Variants in FRAS1 observed in about 807,000 individuals in gnomAD.
The protein encoded by FRAS1 is extracellular matrix organizing protein FRAS1.
Under a neutral mutation model 435.2 loss-of-function variants are expected in FRAS1, and 290 were observed. That is an observed-to-expected ratio of 0.67 (90% CI 0.61 to 0.73). FRAS1 has a LOEUF of 0.73. FRAS1 is among the 30% of genes least tolerant of loss of function. FRAS1 has a pLI of 0.00. For synonymous variants in FRAS1, 1,800 were observed against 1,851.0 expected, an observed-to-expected ratio of 0.97 and a Z score of 0.71; for missense variants, 4,860 against 5,001.5, an observed-to-expected ratio of 0.97 and a Z score of 0.85.
chr4:78,393,670 CACTT>C (rs1171685718), intron 29 of FRAS1, among the ~76,000 whole-genome samples: 1 of 152,032 alleles, frequency 6.6e-6, no homozygotes, highest in Admixed American at 6.5e-5. Flanking sequence ...CATTGATTGA[CACTT>C]AGGTTGATTC....
At chr4:78,396,528 C>T (rs1732670674) in intron 29 of FRAS1, among the ~76,000 whole-genome samples, 1 of 152,098 alleles carries the variant, frequency 6.6e-6, no homozygotes, top group Non-Finnish European at 1.5e-5. Flanking sequence ...CAGTTTTTTT[C>T]TCTAAGTGTT....
At position 78,522,705 on chromosome 4, in the gene FRAS1, C is replaced by A; in HGVS notation, c.10705C>A (p.Pro3569Thr). The change falls in exon 69 of 74, where the codon CCA (proline) becomes ACA (threonine). Residue 3569 changes from proline to threonine, a missense_variant. By Grantham distance (38) the Pro-to-Thr change is conservative. Coordinates refer to ENST00000512123, the MANE Select transcript of FRAS1 (RefSeq NM_025074.7). ...LPEVKSFVLT[P>T]DHLGGIEFDL... ...AGAAGTGAAATCTTTCGTATTGACT[C>A]CAGACCACCTAGGAGGAATTGAATT... 6.2e-7 allele frequency: 1 copy of A among 1,610,954 alleles called. No homozygotes were observed. The highest frequency in any genetic ancestry group is 2.2e-5 in the East Asian group (1 of 44,790).
chr4:78,285,822 G>A (rs2045169), intron 13 of FRAS1, among the ~76,000 whole-genome samples: 143,561 of 152,258 alleles, frequency 0.94, 68,126 homozygotes, highest in Non-Finnish European at 1. Flanking sequence ...ATACAGGTTA[G>A]GTGCCTAGCC....
intron 2 of FRAS1, chr4:78,181,533 G>T: frequency 1.2e-6 from 2 of 1,611,478 alleles, no homozygotes. Flanking sequence ...CGGCCCCCTC[G>T]ACCTCTTCCA....
At chr4:78,111,720 T>A (rs1578129582) in intron 2 of FRAS1, among the ~76,000 whole-genome samples, 2 of 112,726 alleles carry the variant, frequency 1.8e-5, no homozygotes, top group Non-Finnish European at 3.4e-5. Flanking sequence ...ACCTGCACAA[T>A]GTGCACATGT....
chr4:78,384,138 A>G lies in FRAS1; in HGVS notation c.3643A>G (p.Thr1215Ala). 7 of 1,588,986 alleles carry G rather than the reference A, an allele frequency of 4.4e-6. No individual in the cohort carries two copies. In the South Asian group the frequency reaches 5.9e-5, roughly 13 times the overall value. The change falls in exon 28 of 74, where the codon ACA (threonine) becomes GCA (alanine). Residue 1215 changes from threonine to alanine, a missense_variant. Physicochemically the swap from Thr to Ala is moderately conservative, Grantham distance 58 (BLOSUM62 0). Transcript: ENST00000512123. ...PQLINIQAFSTQAPYVLRNEV... is the reference protein window; with the variant it reads ...PQLINIQAFSAQAPYVLRNEV... ...GCTGATCAACATACAAGCATTTTCAACACAGGTAATAAAAATGGCCACGTA... is the reference window on the plus strand; with the variant it reads ...GCTGATCAACATACAAGCATTTTCAGCACAGGTAATAAAAATGGCCACGTA...
At chr4:78,335,901 T>TG (rs1176748448) in intron 19 of FRAS1, among the ~76,000 whole-genome samples, 3 of 120,402 alleles carry the variant, frequency 2.5e-5, no homozygotes, top group Non-Finnish European at 5.4e-5. Flanking sequence ...CCGTGTGTGG[T>TG]GGTTTTTTTT....
intron 52 of FRAS1, 32 bp from the exon 53 acceptor site, chr4:78,473,406 G>A: frequency 1.3e-6 from 2 of 1,594,850 alleles, no homozygotes; most frequent in Non-Finnish European, 1.7e-6. Context: ...TACATCCCTG[G>A]GTTAATTCAC....
At chr4:78,204,558 G>T (rs185721590) in intron 2 of FRAS1, among the ~76,000 whole-genome samples, 3 of 152,246 alleles carry the variant, frequency 2.0e-5, no homozygotes, top group Non-Finnish European at 4.4e-5. Flanking sequence ...AGGGCTATTT[G>T]GTTCATTTTC....
In FRAS1 at chr4:78,190,594, C is replaced by T. The variant is rs565319288; in HGVS notation, c.109-46916C>T. Reference sequence around the variant, plus strand: ...TCCTTCTTTCTTTCCCTCCTTCCATCCCCCATCCCCCCACCACACCCCTTC... The same window carrying T: ...TCCTTCTTTCTTTCCCTCCTTCCATTCCCCATCCCCCCACCACACCCCTTC... On this transcript the variant is annotated intron_variant, in intron 2 of 73. Coordinates refer to ENST00000512123, the MANE Select transcript of FRAS1 (RefSeq NM_025074.7). 2.4e-3 allele frequency among the ~76,000 whole-genome samples: 370 copies of T among 151,210 alleles called. 2 individuals carry two copies. The highest frequency in any genetic ancestry group is 1.8e-3 in the Non-Finnish European group (123 of 67,782).
At chr4:78,157,357 G>A (rs1720939834) in intron 2 of FRAS1, among the ~76,000 whole-genome samples, 1 of 152,096 alleles carries the variant, frequency 6.6e-6, no homozygotes, top group African/African-American at 2.4e-5. Context: ...GGGATTGCTG[G>A]GTCAAGTGGT....
intron 49 of FRAS1, 30 bp downstream of exon 49, chr4:78,464,613 G>A: frequency 6.2e-7 from 1 of 1,610,162 alleles, no homozygotes; most frequent in Non-Finnish European, 8.5e-7. Flanking sequence ...TGGGTTCTCT[G>A]GCTAAATGAG....
At position 78,412,975 on chromosome 4, in the gene FRAS1, A is replaced by C; in HGVS notation, c.4315A>C (p.Ser1439Arg). 1 of 1,599,720 alleles carries C rather than the reference A, an allele frequency of 6.3e-7. No homozygotes were observed. The highest frequency in any genetic ancestry group is 1.3e-5 in the African/African-American group (1 of 74,430). ...QSDSFRFEVS[S>R]ASNAQTRLES... is the part of the protein sequence containing the mutation. ...AGGATGACTTTCTTTTCAGGTGTCC[A>C]GTGCCTCCAATGCCCAGACCCGCCT... Residue 1439 changes from serine to arginine, a missense_variant, in exon 32 of 74, where the codon AGT becomes CGT. Physicochemically the swap from Ser to Arg is moderately radical, Grantham distance 110. Transcript: ENST00000512123.
At chr4:78,524,005 T>C (rs550717691) in intron 69 of FRAS1, among the ~76,000 whole-genome samples, 34 of 152,274 alleles carry the variant, frequency 2.2e-4, no homozygotes, top group African/African-American at 7.9e-4. Flanking sequence ...AACTAACTCC[T>C]CTGAGACCCA....
intron 23 of FRAS1, among the ~76,000 whole-genome samples, chr4:78,370,586 A>C (rs1158427458): frequency 1.3e-5 from 2 of 152,142 alleles, no homozygotes; most frequent in Non-Finnish European, 2.9e-5. Flanking sequence ...AAGATACATT[A>C]CTTTCCTGGG....
chr4:78,455,146 G>A (rs960439952), intron 47 of FRAS1, among the ~76,000 whole-genome samples: 8 of 152,000 alleles, frequency 5.3e-5, no homozygotes, highest in Admixed American at 3.3e-4. Flanking sequence ...CTAATAAAAC[G>A]GACTTCCCTG....
intron 2 of FRAS1, among the ~76,000 whole-genome samples, chr4:78,137,350 T>C (rs536405614): frequency 6.6e-6 from 1 of 152,240 alleles, no homozygotes; most frequent in Non-Finnish European, 1.5e-5. Context: ...TCTTTAATCA[T>C]ATATGTATAT....
At chr4:78,524,640 A>G (rs532441564) in intron 69 of FRAS1, among the ~76,000 whole-genome samples, 40 of 152,260 alleles carry the variant, frequency 2.6e-4, no homozygotes, top group African/African-American at 9.4e-4. Context: ...AGGCTATGCT[A>G]TTTGTCTTGC....
At chr4:78,446,656 T>C (rs1193198326) in intron 42 of FRAS1, 71 bp from the exon 43 acceptor site, 3 of 1,545,526 alleles carry the variant, frequency 1.9e-6, no homozygotes, top group Non-Finnish European at 2.6e-6. Flanking sequence ...AATGATACTG[T>C]CTCTGAATAA....
Sources: allele counts gnomAD v4.1 joint callset (sites outside exome capture counted in the v4.1 genomes callset), GRCh38; gene constraint gnomAD v4.1.1; transcripts MANE v1.5; gene names NCBI Gene and HGNC (gene_info 2026-07-23, HGNC 2026-07-21).